The following NBAS variants were observed in gnomAD, a reference collection of about 807,000 sequenced individuals.
NBAS encodes NBAS subunit of NRZ tethering complex, also known as NAG/BC035112 fusion.
In NBAS, 219 loss-of-function variants were observed where a neutral mutation model predicts 302.5. The observed-to-expected ratio is 0.72, with a 90% CI of 0.65 to 0.81. The LOEUF is 0.81. Ranked by LOEUF, NBAS falls within the 30% of genes least tolerant of loss-of-function variation. The pLI, the probability that NBAS is intolerant of heterozygous loss-of-function variation, is 0.00. For missense variants in NBAS, 2,932 were observed against 2,841.6 expected, an observed-to-expected ratio of 1.03 and a Z score of -0.72; for synonymous variants, 1,118 against 1,021.6, an observed-to-expected ratio of 1.09 and a Z score of -1.80.
the NBAS span, among the ~76,000 whole-genome samples, chr2:14,897,613 C>CT: frequency 0.023 from 3,196 of 141,534 alleles, 104 homozygotes; most frequent in African/African-American, 0.071. Flanking sequence ...CTACATTTGG[C>CT]TTTTTTTTTT....
intron 51 of NBAS, among the ~76,000 whole-genome samples, chr2:15,175,802 A>G (rs1664509774): frequency 6.6e-6 from 1 of 152,368 alleles, no homozygotes; most frequent in South Asian, 2.1e-4. Context: ...AAGTCAGTAC[A>G]ATCTCTGGCA....
At chr2:15,076,692 C>T in the NBAS span, among the ~76,000 whole-genome samples, 1 of 152,200 alleles carries the variant, frequency 6.6e-6, no homozygotes, top group Non-Finnish European at 1.5e-5. Context: ...CAAAATGCCC[C>T]TCACCATAAA....
chr2:15,411,713 T>C (rs1219845729), intron 25 of NBAS, among the ~76,000 whole-genome samples: 1 of 152,158 alleles, frequency 6.6e-6, no homozygotes, highest in Non-Finnish European at 1.5e-5. Context: ...TTTAAAGCAG[T>C]TGTTCCCGGT....
intron 33 of NBAS, among the ~76,000 whole-genome samples, chr2:15,354,942 G>A (rs1327525711): frequency 6.6e-6 from 1 of 152,126 alleles, no homozygotes; most frequent in Non-Finnish European, 1.5e-5. Context: ...CCCTGCCCTT[G>A]ATGTCTCTTA....
the NBAS span, among the ~76,000 whole-genome samples, chr2:15,065,962 T>C: frequency 1.3e-5 from 2 of 152,146 alleles, no homozygotes; most frequent in Non-Finnish European, 2.9e-5. Flanking sequence ...GGAGGCCTCA[T>C]ACTTCCTGAT....
At chr2:14,980,327 A>T in the NBAS span, among the ~76,000 whole-genome samples, 1,545 of 152,198 alleles carry the variant, frequency 0.01, 29 homozygotes, top group African/African-American at 0.036. Context: ...CTAAATCATT[A>T]AGCCTTTGGA....
chr2:15,217,670 G>C (rs1666714339), intron 48 of NBAS, among the ~76,000 whole-genome samples: 1 of 152,208 alleles, frequency 6.6e-6, no homozygotes, highest in Non-Finnish European at 1.5e-5. Flanking sequence ...CCGACTCCTG[G>C]ACGCTATGGC....
At chr2:15,022,329 T>C in the NBAS span, among the ~76,000 whole-genome samples, 126 of 152,324 alleles carry the variant, frequency 8.3e-4, no homozygotes, top group African/African-American at 2.9e-3. Flanking sequence ...CTCCTCTCTC[T>C]TCACTACTAT....
chr2:15,409,583 T>C (rs1676583825), intron 25 of NBAS, among the ~76,000 whole-genome samples: 1 of 152,182 alleles, frequency 6.6e-6, no homozygotes, highest in South Asian at 2.1e-4. Context: ...GCTTTTATTA[T>C]TACAGTTTCA....
chr2:15,092,281 G>C, the NBAS span, among the ~76,000 whole-genome samples: 2 of 152,204 alleles, frequency 1.3e-5, no homozygotes, highest in African/African-American at 4.8e-5. Flanking sequence ...GAACTGCAGA[G>C]CTGGTGGTGA....
chr2:15,018,167 G>A, the NBAS span, among the ~76,000 whole-genome samples: 15 of 151,988 alleles, frequency 9.9e-5, no homozygotes, highest in African/African-American at 3.1e-4. Flanking sequence ...GATAGGGAGA[G>A]ATTTGTTAAA....
rs1381661744 is a variant in NBAS at position 15,192,230 on chromosome 2, G to C, written c.6433-1827C>G. On this transcript the variant is annotated intron_variant, in intron 48 of 51. Coordinates refer to ENST00000281513, the MANE Select transcript of NBAS (RefSeq NM_015909.4). ...GAAATGTTAGCTCCTTGAAAGAAGA[G>C]GCTATTTTTTTTTTTTTTTTGTCCA... Among the ~76,000 whole-genome samples the C allele has an allele frequency of 2.7e-5, 4 of 146,930 alleles. No individual in the cohort carries two copies. The South Asian group carries it at 8.9e-4, about 33-fold the overall frequency.
At chr2:15,074,187 G>A in the NBAS span, among the ~76,000 whole-genome samples, 1 of 152,136 alleles carries the variant, frequency 6.6e-6, no homozygotes, top group African/African-American at 2.4e-5. Flanking sequence ...TAAAGGAAAT[G>A]TTTTAAACCA....
At chr2:15,244,383 T>G (rs1667995790) in intron 44 of NBAS, among the ~76,000 whole-genome samples, 1 of 151,360 alleles carries the variant, frequency 6.6e-6, no homozygotes, top group African/African-American at 2.4e-5. Flanking sequence ...GAAACTGGGG[T>G]CATGGAGAAC....
chr2:15,264,238 T>C (rs1311111987), intron 44 of NBAS, among the ~76,000 whole-genome samples: 1 of 152,214 alleles, frequency 6.6e-6, no homozygotes, highest in Non-Finnish European at 1.5e-5. Context: ...TAAAATATGT[T>C]TTGGTATTTG....
intron 32 of NBAS, among the ~76,000 whole-genome samples, chr2:15,360,957 T>G (rs1673889377): frequency 6.6e-6 from 1 of 152,162 alleles, no homozygotes; most frequent in Admixed American, 6.5e-5. Context: ...CTTAAGCCAG[T>G]AACATAGTCA....
the NBAS span, among the ~76,000 whole-genome samples, chr2:15,112,713 A>G: frequency 6.7e-6 from 1 of 149,602 alleles, no homozygotes; most frequent in Non-Finnish European, 1.5e-5. Context: ...TTCCAAAAGT[A>G]AGTGGAGTAA....
chr2:15,459,406 T>C (rs1345196796), intron 21 of NBAS, among the ~76,000 whole-genome samples: 1 of 152,158 alleles, frequency 6.6e-6, no homozygotes, highest in Non-Finnish European at 1.5e-5. Context: ...TCTGAAAACA[T>C]GCATAAAATA....
At chr2:14,853,664 A>G in the NBAS span, among the ~76,000 whole-genome samples, 1 of 97,862 alleles carries the variant, frequency 1.0e-5, no homozygotes, top group Non-Finnish European at 2.0e-5. Context: ...AAAGACTTGG[A>G]ACCAACCCAA....
Sources: gnomAD v4.1 joint callset for allele counts (sites outside exome capture counted in the v4.1 genomes callset) on GRCh38, gnomAD v4.1.1 for gene constraint, MANE v1.5 for transcripts, NCBI Gene and HGNC (gene_info 2026-07-23, HGNC 2026-07-21) for gene names.